The following SUSD5 variants were observed in gnomAD, a reference collection of about 807,000 sequenced individuals.
SUSD5 encodes sushi domain containing 5, also known as sushi domain-containing protein 5.
Under a neutral mutation model 29.5 loss-of-function variants are expected in SUSD5, and 33 were observed. The ratio of observed to expected loss-of-function variants is 1.12; its 90% CI spans 0.85 to 1.49. The LOEUF is 1.49. SUSD5 is among the 40% of genes most tolerant of loss of function. The pLI is 0.00. For synonymous variants in SUSD5, 308 were observed against 325.3 expected (o/e 0.95, Z 0.57); for missense variants, 776 against 800.6 (o/e 0.97, Z 0.37).
At chr3:33,208,899 A>G (rs2032271676) in intron 2 of SUSD5, among the ~76,000 whole-genome samples, 1 of 152,104 alleles carries the variant, frequency 6.6e-6, no homozygotes, top group South Asian at 2.1e-4. Context: ...ATTGGTCCAC[A>G]TATTTACTCC....
Position 33,218,746 on chromosome 3 carries a change from C to G in SUSD5, c.52G>C (p.Gly18Arg), listed in dbSNP as rs2032471342. Residue 18 changes from glycine to arginine, a missense_variant, in exon 1 of 5, where the codon GGG (glycine) becomes CGG (arginine). Coordinates refer to ENST00000309558, the MANE Select transcript of SUSD5 (RefSeq NM_015551.2). Reference protein sequence around the residue: ...PPARWHRRLPGLWAAALLLLG... With the variant: ...PPARWHRRLPRLWAAALLLLG... ...AGGAGCAGCGCCGCCGCCCAGAGCC[C>G]GGGGAGGCGTCTGTGCCAACGGGCA... The G allele has an allele frequency of 1.4e-6, 2 of 1,388,526 alleles. No individual in the cohort carries two copies. The highest frequency in any genetic ancestry group is 1.6e-5 in the South Asian group (1 of 61,168). 86.0% of individuals were successfully genotyped at this position (1,388,526 alleles called of 1,614,324 possible). A position where few individuals can be genotyped will look rare whatever the true frequency, so the allele number is the denominator to read the frequency against.
At position 33,175,578 on chromosome 3, in the gene SUSD5, C is replaced by T. The variant is rs570265338; in HGVS notation, c.410-504G>A. ...CACACACACACTATATATATATATA[C>T]ACACACACACATATATATACACACA... On this transcript the variant is annotated intron_variant, in intron 3 of 4. Transcript: ENST00000309558. 2.3e-3 allele frequency among the ~76,000 whole-genome samples: 310 copies of T among 137,140 alleles called. 3 individuals carry two copies. The highest frequency in any genetic ancestry group is 5.5e-3 in the African/African-American group (216 of 39,342). The allele number at this position is 137,140 out of a possible 152,430, so 90.0% of individuals were successfully genotyped here.
intron 3 of SUSD5, among the ~76,000 whole-genome samples, chr3:33,190,799 A>C (rs2031874206): frequency 6.6e-6 from 1 of 152,174 alleles, no homozygotes; most frequent in Admixed American, 6.5e-5. Context: ...CCTCCCCAGG[A>C]ATTTCATTAA....
intron 3 of SUSD5, among the ~76,000 whole-genome samples, chr3:33,205,815 G>A (rs546909602): frequency 6.6e-6 from 1 of 152,282 alleles, no homozygotes; most frequent in South Asian, 2.1e-4. Context: ...GTCCCACCAA[G>A]TCTGGCAGAA....
At chr3:33,180,510 G>T (rs781695579) in intron 3 of SUSD5, among the ~76,000 whole-genome samples, 1 of 152,032 alleles carries the variant, frequency 6.6e-6, no homozygotes, top group Non-Finnish European at 1.5e-5. Context: ...ATAGGCACAT[G>T]CATCTGTGCC....
intron 1 of SUSD5, among the ~76,000 whole-genome samples, chr3:33,218,437 T>C (rs2125635851): frequency 6.6e-6 from 1 of 152,334 alleles, no homozygotes; most frequent in East Asian, 1.9e-4. Flanking sequence ...GCGGCGGGAC[T>C]GCGGGACCTA....
In SUSD5 at chr3:33,167,287, G is replaced by A. The variant is rs2031325389; in HGVS notation, c.598+7599C>T. 6.6e-6 allele frequency among the ~76,000 whole-genome samples: 1 copy of A among 152,038 alleles called. No individual in the cohort carries two copies. The highest frequency in any genetic ancestry group is 6.6e-5 in the Admixed American group (1 of 15,262). On this transcript the variant is annotated intron_variant, in intron 4 of 4. Coordinates refer to ENST00000309558, the MANE Select transcript of SUSD5 (RefSeq NM_015551.2). The surrounding 1 kb of genome is among the most constrained non-coding windows in gnomAD (Gnocchi z 4.1). The stretch of plus-strand genomic sequence containing the variant: ...TCTCCTCTCTCACTTTTTTGTGTGT[G>A]CAGGCAACACTGGCTTAGCATTTAA...
chr3:33,179,870 C>T (rs528080656), intron 3 of SUSD5, among the ~76,000 whole-genome samples: 24 of 152,212 alleles, frequency 1.6e-4, no homozygotes, highest in African/African-American at 5.1e-4. Flanking sequence ...ATGGTAGTCT[C>T]GTAAGATTAT....
At chr3:33,183,765 C>T (rs1295641978) in intron 3 of SUSD5, among the ~76,000 whole-genome samples, 2 of 152,044 alleles carry the variant, frequency 1.3e-5, no homozygotes, top group Admixed American at 6.5e-5. Flanking sequence ...CTTCTTTTAA[C>T]ACTTCTTGCA....
intron 4 of SUSD5, among the ~76,000 whole-genome samples, chr3:33,166,429 G>A (rs1214382460): frequency 6.6e-6 from 1 of 152,178 alleles, no homozygotes; most frequent in South Asian, 2.1e-4. Flanking sequence ...GATGGTGCTT[G>A]ACACTTGAAC....
intron 3 of SUSD5, among the ~76,000 whole-genome samples, chr3:33,176,196 A>G (rs1419433236): frequency 1.3e-5 from 2 of 152,154 alleles, no homozygotes; most frequent in African/African-American, 4.8e-5. Context: ...TTTAGCACTG[A>G]ATATTATTCC....
At chr3:33,180,821 C>T (rs974298118) in intron 3 of SUSD5, among the ~76,000 whole-genome samples, 7 of 150,828 alleles carry the variant, frequency 4.6e-5, no homozygotes, top group South Asian at 2.1e-4. Context: ...GCCTCACTGA[C>T]GGAGCAAGAC....
chr3:33,207,305 C>T (rs998949866), intron 3 of SUSD5, among the ~76,000 whole-genome samples: 46 of 152,220 alleles, frequency 3.0e-4, no homozygotes, highest in African/African-American at 1.1e-3. Flanking sequence ...TGCCCACATT[C>T]TCTAGACACC....
At chr3:33,165,432 G>A (rs747984336) in intron 4 of SUSD5, among the ~76,000 whole-genome samples, 72 of 152,128 alleles carry the variant, frequency 4.7e-4, no homozygotes, top group Non-Finnish European at 7.8e-4. Flanking sequence ...CCTGGGTGCC[G>A]ATTACATGGG....
chr3:33,163,474 C>A (rs2031236242), intron 4 of SUSD5, among the ~76,000 whole-genome samples: 1 of 152,104 alleles, frequency 6.6e-6, no homozygotes, highest in African/African-American at 2.4e-5. Flanking sequence ...AAGCATCTGA[C>A]AAAGTCAACA....
intron 4 of SUSD5, among the ~76,000 whole-genome samples, chr3:33,159,831 G>T (rs1368049908): frequency 6.6e-6 from 1 of 152,098 alleles, no homozygotes; most frequent in African/African-American, 2.4e-5. Flanking sequence ...CACGAAAAGG[G>T]AATAATATAT....
At chr3:33,194,706 T>C (rs957710229) in intron 3 of SUSD5, among the ~76,000 whole-genome samples, 30 of 151,648 alleles carry the variant, frequency 2.0e-4, no homozygotes, top group African/African-American at 7.0e-4. Context: ...AGGCAGTAGA[T>C]GGAAGAATGA....
chr3:33,155,628 A>T (rs2031032879), intron 4 of SUSD5, among the ~76,000 whole-genome samples: 1 of 152,202 alleles, frequency 6.6e-6, no homozygotes, highest in African/African-American at 2.4e-5. Context: ...AATAGTAAAA[A>T]ACTGGAAGCA....
At chr3:33,200,364 TG>T (rs2032092518) in intron 3 of SUSD5, among the ~76,000 whole-genome samples, 1 of 152,118 alleles carries the variant, frequency 6.6e-6, no homozygotes, top group Non-Finnish European at 1.5e-5. Context: ...TAACAAGAAG[TG>T]GGGGGTTTGC....
Sources: gnomAD v4.1 joint callset for allele counts (sites outside exome capture counted in the v4.1 genomes callset) on GRCh38, gnomAD v4.1.1 for gene constraint, Gnocchi (gnomAD v3.1) non-coding constraint, MANE v1.5 for transcripts, NCBI Gene and HGNC (gene_info 2026-07-23, HGNC 2026-07-21) for gene names.